NFIB: variants seen among roughly 807,000 people sequenced by gnomAD.
NFIB encodes the protein nuclear factor I B, also known as nuclear factor 1 B-type.
In NFIB, 11 loss-of-function variants were observed where a neutral mutation model predicts 61.5. That is an observed-to-expected ratio of 0.18 (90% CI 0.11 to 0.30). The LOEUF (loss-of-function observed/expected upper bound fraction) is 0.30, where lower values mean the gene tolerates loss of function less well. Among genes scored for constraint, NFIB ranks in the 10% least tolerant of loss-of-function variants. NFIB has a pLI of 1.00. For synonymous variants in NFIB, 260 were observed against 216.5 expected (o/e 1.20, Z -1.76); for missense variants, 471 against 608.9 (o/e 0.77, Z 2.38).
intron 1 of NFIB, among the ~76,000 whole-genome samples, chr9:14,341,800 C>G (rs1002146090): frequency 6.6e-6 from 1 of 152,024 alleles, no homozygotes; most frequent in Non-Finnish European, 1.5e-5. Flanking sequence ...CTGGGGAAGA[C>G]AAAGAAAGAG....
chr9:14,092,892 C>T (rs77957206), intron 10 of NFIB, among the ~76,000 whole-genome samples: 1,993 of 152,064 alleles, frequency 0.013, 47 homozygotes, highest in African/African-American at 0.046. Context: ...AGTTCATCTT[C>T]GCATCTACCT....
chr9:14,486,284 C>G, the NFIB span, among the ~76,000 whole-genome samples: 7 of 152,156 alleles, frequency 4.6e-5, no homozygotes, highest in South Asian at 1.2e-3. Flanking sequence ...AGGGCAGAAC[C>G]CTCAAGAGTA....
At chr9:14,243,975 C>T (rs1484544922) in intron 2 of NFIB, among the ~76,000 whole-genome samples, 5 of 152,194 alleles carry the variant, frequency 3.3e-5, no homozygotes, top group Non-Finnish European at 5.9e-5. Flanking sequence ...GTAGTTATCA[C>T]GTGAGAATTA....
At position 14,116,237 on chromosome 9, in the gene NFIB, T is replaced by A. The variant is rs912978077; in HGVS notation, c.1355A>T (p.Asp452Val). The change falls in exon 9 of 11, where the codon GAT becomes GTT. Residue 452 changes from aspartate (D) to valine (V), a missense_variant. Asp to Val is a radical substitution (Grantham distance 152). Transcript: ENST00000380953. The part of the protein sequence containing the change: ...AVRPVTLSMT[D>V]TKPITTSTEA... ...AGTGGATGTAGTGATGGGTTTAGTA[T>A]CTGTCATGCTCAGGGTCACAGGTCG... 1 of 1,533,504 alleles carries A rather than the reference T, an allele frequency of 6.5e-7. No individual in the cohort carries two copies. Among genetic ancestry groups the A allele is most frequent in the Admixed American group, 2.0e-5 (1 of 48,974 alleles). The allele number at this position is 1,533,504 out of a possible 1,614,324, so 95.0% of individuals were successfully genotyped here.
At chr9:14,487,005 G>C in the NFIB span, among the ~76,000 whole-genome samples, 1 of 152,094 alleles carries the variant, frequency 6.6e-6, no homozygotes, top group Non-Finnish European at 1.5e-5. Context: ...TTTGTGTCAG[G>C]TTATCCAAAT....
At chr9:14,527,648 T>C in the NFIB span, among the ~76,000 whole-genome samples, 7 of 152,192 alleles carry the variant, frequency 4.6e-5, no homozygotes, top group African/African-American at 1.7e-4. Flanking sequence ...GCCTGGCATA[T>C]AGTATGTTCT....
intron 10 of NFIB, among the ~76,000 whole-genome samples, chr9:14,109,114 C>T (rs959882350): frequency 2.1e-4 from 32 of 152,174 alleles, no homozygotes; most frequent in Admixed American, 5.9e-4. Flanking sequence ...AAATTAGCAA[C>T]TCACTATGAG....
At chr9:14,435,968 C>T in the NFIB span, among the ~76,000 whole-genome samples, 4 of 152,222 alleles carry the variant, frequency 2.6e-5, no homozygotes, top group Admixed American at 1.3e-4. Flanking sequence ...GATCTGTCGG[C>T]TTAGGTCATA....
chr9:14,262,449 A>G (rs1005702272), intron 2 of NFIB, among the ~76,000 whole-genome samples: 1 of 152,224 alleles, frequency 6.6e-6, no homozygotes, highest in Non-Finnish European at 1.5e-5. Context: ...AAAGGCAGCT[A>G]TGATGTAATG....
intron 1 of NFIB, among the ~76,000 whole-genome samples, chr9:14,348,168 A>G (rs557231032): frequency 3.4e-4 from 52 of 152,328 alleles, no homozygotes; most frequent in Admixed American, 1.4e-3. Flanking sequence ...CTACACACCT[A>G]CTGGCATTCC....
the NFIB span, among the ~76,000 whole-genome samples, chr9:14,521,539 G>C: frequency 6.6e-5 from 10 of 151,388 alleles, no homozygotes; most frequent in South Asian, 4.1e-4. Flanking sequence ...GTTGCAAATT[G>C]TTATTTAATA....
chr9:14,208,022 T>G (rs1042139878), intron 2 of NFIB, among the ~76,000 whole-genome samples: 1 of 152,190 alleles, frequency 6.6e-6, no homozygotes. Flanking sequence ...GCATGATGAC[T>G]TGAAAAGATG....
At chr9:14,125,516 T>C (rs1235817905) in intron 7 of NFIB, 116 bp downstream of exon 7, 15 of 1,404,746 alleles carry the variant, frequency 1.1e-5, no homozygotes, top group African/African-American at 5.8e-5. Flanking sequence ...CCTCACCATA[T>C]GGGTTGAGAA....
At chr9:14,502,396 C>T in the NFIB span, among the ~76,000 whole-genome samples, 1 of 152,190 alleles carries the variant, frequency 6.6e-6, no homozygotes, top group Non-Finnish European at 1.5e-5. Context: ...AGAATATCTA[C>T]TGATGCCTGA....
chr9:14,423,705 T>G, the NFIB span, among the ~76,000 whole-genome samples: 1 of 152,248 alleles, frequency 6.6e-6, no homozygotes, highest in Admixed American at 6.5e-5. Flanking sequence ...AAGATCATTA[T>G]ATTCTCTGCA....
intron 2 of NFIB, among the ~76,000 whole-genome samples, chr9:14,182,760 ATTT>A (rs2046948326): frequency 1.3e-5 from 1 of 77,014 alleles, no homozygotes; most frequent in South Asian, 4.3e-4. Context: ...GTGTGTGTGT[ATTT>A]AATATGTTAC....
the NFIB span, among the ~76,000 whole-genome samples, chr9:14,424,767 G>A: frequency 1.3e-5 from 2 of 152,162 alleles, no homozygotes; most frequent in African/African-American, 4.8e-5. Context: ...AGGCTCTATG[G>A]AGAGGGAAAG....
the NFIB span, among the ~76,000 whole-genome samples, chr9:14,527,569 T>A: frequency 2.0e-5 from 3 of 152,306 alleles, no homozygotes; most frequent in Admixed American, 2.0e-4. Flanking sequence ...CCCCCCTCCA[T>A]AACACTGTGA....
chr9:14,127,944 A>C (rs1756946713), intron 6 of NFIB, among the ~76,000 whole-genome samples: 1 of 151,826 alleles, frequency 6.6e-6, no homozygotes, highest in African/African-American at 2.4e-5. Flanking sequence ...AAAAAAAAAA[A>C]AAAAACCAGA....
Sources: allele counts gnomAD v4.1 joint callset (sites outside exome capture counted in the v4.1 genomes callset), GRCh38; gene constraint gnomAD v4.1.1; transcripts MANE v1.5; gene names NCBI Gene and HGNC (gene_info 2026-07-23, HGNC 2026-07-21).